The following CDH12 variants were observed in gnomAD, a reference collection of about 807,000 sequenced individuals.
CDH12 encodes the protein cadherin-12.
Under a neutral mutation model 74.1 loss-of-function variants are expected in CDH12, and 41 were observed. The ratio of observed to expected loss-of-function variants is 0.55; its 90% confidence interval spans 0.43 to 0.72. The LOEUF is 0.72. Among genes scored for constraint, CDH12 ranks in the 30% least tolerant of loss-of-function variants. CDH12 has a pLI of 0.00. For missense variants in CDH12, 945 were observed against 977.2 expected (o/e 0.97, Z 0.44); for synonymous variants, 399 against 355.0 (o/e 1.12, Z -1.39).
At chr5:22,186,264 G>T (rs971977825) in intron 4 of CDH12, among the ~76,000 whole-genome samples, 2 of 152,122 alleles carry the variant, frequency 1.3e-5, no homozygotes, top group African/African-American at 4.8e-5. Context: ...TTGTCATTCA[G>T]TAAAATCCTC....
intron 3 of CDH12, among the ~76,000 whole-genome samples, chr5:22,218,065 A>G (rs139261213): frequency 2.5e-4 from 38 of 151,872 alleles, no homozygotes; most frequent in Middle Eastern, 3.4e-3. Context: ...AATAGTTAAA[A>G]TCAAAAAGAA....
chr5:22,254,267 T>G (rs776358079), intron 3 of CDH12, among the ~76,000 whole-genome samples: 1 of 151,934 alleles, frequency 6.6e-6, no homozygotes, highest in Non-Finnish European at 1.5e-5. Context: ...TTTGAATTCT[T>G]CTTTTGAAAT....
intron 2 of CDH12, among the ~76,000 whole-genome samples, chr5:22,462,233 A>G (rs1486626854): frequency 1.3e-5 from 2 of 152,224 alleles, no homozygotes; most frequent in Non-Finnish European, 2.9e-5. Flanking sequence ...GGCAAAAATC[A>G]GATACCCCTT....
intron 9 of CDH12, among the ~76,000 whole-genome samples, chr5:21,802,743 C>T (rs1029854745): frequency 5.3e-5 from 8 of 151,802 alleles, no homozygotes; most frequent in African/African-American, 1.5e-4. Flanking sequence ...AGGCGCCCGC[C>T]ACCATGCCTG....
At chr5:21,768,837 C>CT (rs1354312428) in intron 11 of CDH12, among the ~76,000 whole-genome samples, 2 of 152,020 alleles carry the variant, frequency 1.3e-5, no homozygotes, top group African/African-American at 4.8e-5. Context: ...GCCAAAATCA[C>CT]TGACTATTGT....
intron 8 of CDH12, among the ~76,000 whole-genome samples, chr5:21,833,454 T>A (rs1419857038): frequency 3.3e-5 from 4 of 119,636 alleles, no homozygotes; most frequent in African/African-American, 1.3e-4. Context: ...ATTATTAATA[T>A]ATGATATATA....
At chr5:21,932,234 G>A (rs925171078) in intron 6 of CDH12, among the ~76,000 whole-genome samples, 4 of 152,062 alleles carry the variant, frequency 2.6e-5, no homozygotes, top group African/African-American at 4.8e-5. Flanking sequence ...ATGGGAACAC[G>A]CTATGGCCTA....
At chr5:22,288,496 G>A (rs752345588) in intron 3 of CDH12, among the ~76,000 whole-genome samples, 8 of 152,200 alleles carry the variant, frequency 5.3e-5, no homozygotes, top group South Asian at 4.1e-4. Flanking sequence ...GTGCATGTCC[G>A]TATCTGATCT....
chr5:22,385,921 C>G (rs927908073), intron 3 of CDH12, among the ~76,000 whole-genome samples: 1 of 100,774 alleles, frequency 9.9e-6, no homozygotes, highest in African/African-American at 3.9e-5. Context: ...GACTGAGTTT[C>G]ACTTTTGTTG....
chr5:22,315,044 C>T (rs1580513909), intron 3 of CDH12, among the ~76,000 whole-genome samples: 1 of 126,416 alleles, frequency 7.9e-6, no homozygotes, highest in East Asian at 2.1e-4. Flanking sequence ...AGCTCCGCCT[C>T]CCAGGTTCAT....
At chr5:22,304,199 G>T (rs976096976) in intron 3 of CDH12, among the ~76,000 whole-genome samples, 1 of 152,004 alleles carries the variant, frequency 6.6e-6, no homozygotes, top group Non-Finnish European at 1.5e-5. Context: ...GAGAGTTAAC[G>T]AGATGCCGTA....
chr5:21,988,423 C>T (rs1367498374), intron 5 of CDH12, among the ~76,000 whole-genome samples: 4 of 127,188 alleles, frequency 3.1e-5, no homozygotes, highest in South Asian at 2.7e-4. Context: ...ACCCAGGAGG[C>T]GGAGGTTGCA....
chr5:22,038,981 A>T (rs1739381086), intron 5 of CDH12, among the ~76,000 whole-genome samples: 1 of 152,128 alleles, frequency 6.6e-6, no homozygotes, highest in Admixed American at 6.5e-5. Flanking sequence ...GGGGAGTTAA[A>T]TTATAGCTGT....
chr5:22,146,247 A>G (rs1747167848), intron 4 of CDH12, among the ~76,000 whole-genome samples: 1 of 152,078 alleles, frequency 6.6e-6, no homozygotes, highest in Non-Finnish European at 1.5e-5. Flanking sequence ...TATAAATGAA[A>G]TACATCTAAA....
At chr5:22,699,450 A>T (rs1742593370) in intron 1 of CDH12, among the ~76,000 whole-genome samples, 1 of 151,362 alleles carries the variant, frequency 6.6e-6, no homozygotes, top group South Asian at 2.1e-4. Flanking sequence ...TTTGATACAC[A>T]AAAGCTCTAA....
intron 4 of CDH12, among the ~76,000 whole-genome samples, chr5:22,163,776 T>TA (rs1455995668): frequency 6.6e-6 from 1 of 152,144 alleles, no homozygotes; most frequent in Non-Finnish European, 1.5e-5. Context: ...AGGGTACATA[T>TA]AAATGCATAA....
intron 8 of CDH12, among the ~76,000 whole-genome samples, chr5:21,817,574 T>G (rs1042711501): frequency 3.9e-5 from 6 of 151,978 alleles, no homozygotes; most frequent in Non-Finnish European, 7.4e-5. Flanking sequence ...TATATAGATA[T>G]AGAAAGTTGA....
At chr5:22,848,704 T>A (rs750554189) in intron 1 of CDH12, among the ~76,000 whole-genome samples, 1 of 152,206 alleles carries the variant, frequency 6.6e-6, no homozygotes, top group African/African-American at 2.4e-5. Flanking sequence ...AGAGAATTTC[T>A]TCAGTGTGTA....
rs748295992 is a variant in CDH12, at chr5:21,755,629, G to A, written c.1847C>T (p.Ala616Val). 3.1e-6 allele frequency: 5 copies of A among 1,613,646 alleles called. No individual in the cohort carries two copies. The highest frequency in any genetic ancestry group is 1.3e-5 in the African/African-American group (1 of 74,882). The change falls in exon 14 of 15, where the codon GCG (alanine) becomes GTG (valine). Residue 616 changes from alanine to valine, a missense_variant. Physicochemically the swap from Ala to Val is moderately conservative, Grantham distance 64. This residue lies in a region of CDH12 where 791 missense variants were observed against 792.8 expected (regional missense o/e 1.00). Coordinates refer to ENST00000382254, the MANE Select transcript of CDH12 (RefSeq NM_004061.5). ...IFLPVGLSTG[A>V]LIAILLCIVI... is the part of the protein sequence containing the mutation. Reference sequence around the variant, plus strand: ...AATGCATAGTAGAATTGCAATCAACGCCCCAGTGCTAAGTCCTACAGGTAG... The same window carrying A: ...AATGCATAGTAGAATTGCAATCAACACCCCAGTGCTAAGTCCTACAGGTAG...
Sources: allele counts gnomAD v4.1 joint callset (sites outside exome capture counted in the v4.1 genomes callset), GRCh38; gene constraint gnomAD v4.1.1; regional missense constraint gnomAD v4.1.1; transcripts MANE v1.5; gene names NCBI Gene and HGNC (gene_info 2026-07-23, HGNC 2026-07-21).